SH2D6: variants seen among roughly 807,000 people sequenced by gnomAD.
SH2D6 encodes the protein SH2 domain-containing protein 6.
In SH2D6, 31 loss-of-function variants were observed where a neutral mutation model predicts 30.2. The observed-to-expected ratio is 1.03, with a 90% CI of 0.77 to 1.38. The LOEUF (loss-of-function observed/expected upper bound fraction) is 1.38. Among genes scored for constraint, SH2D6 ranks in the 40% most tolerant of loss-of-function variants. The pLI is 0.00. For missense variants in SH2D6, 240 were observed against 266.8 expected, an observed-to-expected ratio of 0.90 and a Z score of 0.70; for synonymous variants, 93 against 104.6, an observed-to-expected ratio of 0.89 and a Z score of 0.68.
chr2:85,431,070 A>G (rs1272130166), intron 12 of SH2D6, 140 bp from the exon 13 acceptor site: 2 of 152,414 alleles, frequency 1.3e-5, no homozygotes, highest in East Asian at 3.9e-4. Flanking sequence ...TGCCATGGAG[A>G]CTGGGCTGTC....
intron 14 of SH2D6, 146 bp from the exon 15 acceptor site, chr2:85,432,953 G>T: frequency 1.8e-6 from 1 of 565,598 alleles, no homozygotes; most frequent in Non-Finnish European, 2.2e-6. Context: ...GATGAGAAAA[G>T]CTTTCTCCTG....
chr2:85,432,089 C>T (rs141643728), intron 14 of SH2D6, 130 bp downstream of exon 14: 1 of 152,616 alleles, frequency 6.6e-6, no homozygotes, highest in East Asian at 1.9e-4. Flanking sequence ...CTGGCTGTGC[C>T]CCTTTTTAAC....
At position 85,429,626 on chromosome 2, in the gene SH2D6, C is replaced by T. The variant is rs541466617; in HGVS notation, c.29+14C>T. 289 of 152,822 alleles carry T rather than the reference C, an allele frequency of 1.9e-3. 1 individual carries two copies. Among genetic ancestry groups the T allele is most frequent in the Non-Finnish European group, 3.6e-3 (244 of 68,156 alleles). The allele number at this position is 152,822 out of a possible 1,614,324, so 9.5% of individuals were successfully genotyped here. On this transcript the variant is annotated intron_variant, in intron 9 of 23. Transcript: ENST00000469800. ...GAGCAGGCCCCGGTGAGTACTGGGACTCCTCTCTCCCCTGCCCTCCCCTCT... is the reference window on the plus strand; with the variant it reads ...GAGCAGGCCCCGGTGAGTACTGGGATTCCTCTCTCCCCTGCCCTCCCCTCT...
chr2:85,433,164 GT>G lies in SH2D6; in HGVS notation c.393+45del, dbSNP rs1168039771. The G allele has an allele frequency of 1.0e-5, 10 of 954,792 alleles. No homozygotes were observed. The Admixed American group carries it at 6.2e-4, about 59-fold the overall frequency. 59.1% of individuals were successfully genotyped at this position (954,792 alleles called of 1,614,324 possible). On this transcript the variant is annotated intron_variant, in intron 15 of 23. Coordinates refer to ENST00000469800, the MANE Select transcript of SH2D6 (RefSeq NM_001394463.1). ...TTCCACCTCAGTTTCCAGGCTTCTG[GT>G]TAAGAAACTGGCAGGGGTGGGGTGG...
Position 85,435,067 on chromosome 2 carries a change from G to A in SH2D6, c.592G>A (p.Gly198Arg). The A allele has an allele frequency of 7.3e-7, 1 of 1,372,358 alleles. No individual in the cohort carries two copies. Among genetic ancestry groups the A allele is most frequent in the Non-Finnish European group, 9.6e-7 (1 of 1,036,466 alleles). 85.0% of individuals were successfully genotyped at this position (1,372,358 alleles called of 1,614,324 possible). A position where few individuals can be genotyped will look rare whatever the true frequency, so the allele number is the denominator to read the frequency against. Residue 198 changes from glycine (G) to arginine (R), a missense_variant and splice_region_variant, in exon 20 of 24, where the codon GGA (glycine) becomes AGA (arginine). By Grantham distance (125) the Gly-to-Arg change is moderately radical (BLOSUM62 -2). Transcript: ENST00000469800. The stretch of plus-strand genomic sequence containing the variant: ...GCTCAATAATCTGCTTCTTCTAGAA[G>A]GAAGGAAATCGTCTCTTCCCTCTGT... ...NGTADAASKEGRKSSLPSVAP... is the reference protein window; with the variant it reads ...NGTADAASKERRKSSLPSVAP...
At chr2:85,432,602 G>A (rs997128903) in intron 14 of SH2D6, among the ~76,000 whole-genome samples, 8 of 151,978 alleles carry the variant, frequency 5.3e-5, no homozygotes, top group Middle Eastern at 3.4e-3. Context: ...GGGTTTCACC[G>A]TGTTAGCCAG....
intron 6 of SH2D6, among the ~76,000 whole-genome samples, chr2:85,426,957 G>A (rs1038838165): frequency 2.6e-5 from 4 of 152,198 alleles, no homozygotes; most frequent in Non-Finnish European, 4.4e-5. Context: ...AGGACACCCC[G>A]CTGTGTCCGC....
intron 19 of SH2D6, chr2:85,434,838 G>C: frequency 6.7e-7 from 1 of 1,488,826 alleles, no homozygotes; most frequent in Non-Finnish European, 8.9e-7. Flanking sequence ...CTCCTAGTCT[G>C]TGCCCCAAGA....
chr2:85,429,469 G>A lies in SH2D6; in HGVS notation c.3+1G>A, dbSNP rs1688353246. On this transcript the variant is annotated splice_donor_variant, in intron 8 of 23. Coordinates refer to ENST00000469800, the MANE Select transcript of SH2D6 (RefSeq NM_001394463.1). LOFTEE classifies it high-confidence loss of function. Reference sequence around the variant, plus strand: ...GCAAAGCTCCTCTGCCTCTGCCATGGTAAGATGTGGTCCCGGGACGGCCTC... The same window carrying A: ...GCAAAGCTCCTCTGCCTCTGCCATGATAAGATGTGGTCCCGGGACGGCCTC... The A allele has an allele frequency of 1.3e-5, 2 of 152,562 alleles. No individual in the cohort carries two copies. The highest frequency in any genetic ancestry group is 2.9e-5 in the Non-Finnish European group (2 of 68,092). The allele number at this position is 152,562 out of a possible 1,614,324, so 9.5% of individuals were successfully genotyped here.
At chr2:85,422,153 T>TTTTC (rs1220928053) in intron 2 of SH2D6, 50 bp from the exon 3 acceptor site, 5 of 151,498 alleles carry the variant, frequency 3.3e-5, no homozygotes, top group Admixed American at 2.6e-4. Flanking sequence ...AAGAGTCCTT[T>TTTTC]TTTCTTTCTT....
intron 22 of SH2D6, 41 bp from the exon 23 acceptor site, chr2:85,436,425 G>A: frequency 6.6e-7 from 1 of 1,504,748 alleles, no homozygotes; most frequent in Non-Finnish European, 9.2e-7. Context: ...CTCCCAGCAT[G>A]AGGCTCATGG....
chr2:85,419,358 C>T (rs948200673), intron 2 of SH2D6, 114 bp downstream of exon 2: 5 of 152,358 alleles, frequency 3.3e-5, no homozygotes, highest in African/African-American at 1.2e-4. Flanking sequence ...CTTGTCCTAA[C>T]TTCCCAGGTT....
Position 85,436,476 on chromosome 2 carries a change from C to T in SH2D6, c.902C>T (p.Ser301Phe). 2 of 1,613,662 alleles carry T rather than the reference C, an allele frequency of 1.2e-6. No homozygotes were observed. Among genetic ancestry groups the T allele is most frequent in the Non-Finnish European group, 1.7e-6 (2 of 1,179,970 alleles). ...TGCCTCCCTGGCCAGCTCTTCTCCTCCGTGGCGGCCATGGTCCAGCACTTC... is the reference window on the plus strand; with the variant it reads ...TGCCTCCCTGGCCAGCTCTTCTCCTTCGTGGCGGCCATGGTCCAGCACTTC... ...EGRNREELFS[S>F]VAAMVQHFMW... Residue 301 changes from serine to phenylalanine, a missense_variant, in exon 23 of 24, where the codon TCC becomes TTC. Physicochemically the swap from Ser to Phe is radical, Grantham distance 155. Transcript: ENST00000469800.
At chr2:85,425,005 G>T (rs909698808) in intron 5 of SH2D6, among the ~76,000 whole-genome samples, 1 of 152,124 alleles carries the variant, frequency 6.6e-6, no homozygotes, top group Non-Finnish European at 1.5e-5. Flanking sequence ...GGCAGAGGTT[G>T]CAGTGAGCCA....
At chr2:85,426,178 C>T (rs1354813656) in intron 6 of SH2D6, among the ~76,000 whole-genome samples, 4 of 152,180 alleles carry the variant, frequency 2.6e-5, no homozygotes, top group Non-Finnish European at 4.4e-5. Flanking sequence ...AGAGCCACCT[C>T]CATCTTCCTC....
chr2:85,434,617 T>TAAAAAAAAAAAAAAA (rs532727235), intron 19 of SH2D6, 120 bp downstream of exon 19: 1 of 897,836 alleles, frequency 1.1e-6, no homozygotes. Flanking sequence ...TGACTAGACT[T>TAAAAAAAAAAAAAAA]AAAAAAAAAA....
chr2:85,435,509 G>A lies in SH2D6; in HGVS notation c.732+13G>A, dbSNP rs759666249. On this transcript the variant is annotated intron_variant, in intron 21 of 23. Transcript: ENST00000469800. ...CCACTTACAAAAGGTGGGCAGCCACGGACCCCGGGTCTTCTCCAAAACCCC... is the reference window on the plus strand; with the variant it reads ...CCACTTACAAAAGGTGGGCAGCCACAGACCCCGGGTCTTCTCCAAAACCCC... 7.4e-6 allele frequency: 12 copies of A among 1,612,060 alleles called. No individual in the cohort carries two copies. In the East Asian group the frequency reaches 1.8e-4, roughly 24 times the overall value.
intron 15 of SH2D6, 27 bp from the exon 16 acceptor site, chr2:85,433,544 G>A: frequency 5.1e-6 from 5 of 989,432 alleles, no homozygotes; most frequent in Non-Finnish European, 6.0e-6. Flanking sequence ...TCAAACCCAT[G>A]GTCTCACACA....
chr2:85,421,569 A>C (rs1461861774), intron 2 of SH2D6: 1 of 152,270 alleles, frequency 6.6e-6, no homozygotes, highest in Non-Finnish European at 1.5e-5. Flanking sequence ...TGGGCCCGGC[A>C]CTTGGAATTT....
Sources: allele counts gnomAD v4.1 joint callset (sites outside exome capture counted in the v4.1 genomes callset), GRCh38; gene constraint gnomAD v4.1.1; transcripts MANE v1.5; gene names NCBI Gene and HGNC (gene_info 2026-07-23, HGNC 2026-07-21).